The following RPS15 variants were observed in gnomAD, a reference collection of about 807,000 sequenced individuals.
The protein encoded by RPS15 is ribosomal protein S15.
Under a neutral mutation model 14.9 loss-of-function variants are expected in RPS15, and 5 were observed. The observed-to-expected ratio is 0.34, with a 90% CI of 0.18 to 0.70. The LOEUF (loss-of-function observed/expected upper bound fraction) is 0.70. Ranked by LOEUF, RPS15 falls within the 30% of genes least tolerant of loss-of-function variation. The probability of loss-of-function intolerance (pLI) is 0.65; values close to 1 mark genes in which losing one functional copy is unlikely to be tolerated. For missense variants in RPS15, 102 were observed against 204.2 expected, an observed-to-expected ratio of 0.50 and a Z score of 3.05; for synonymous variants, 103 against 85.0, an observed-to-expected ratio of 1.21 and a Z score of -1.16.
rs2083633139 is a variant in RPS15 at position 1,439,155 on chromosome 19, CTT to C, written c.89+264_89+265del. On this transcript the variant is annotated intron_variant, in intron 2 of 3. Transcript: ENST00000592588. ...TAGCCCCTGTCTGTAGCCCACGTGA[CTT>C]AGAATAAGGGGCTGCGTTAGACTCC... is the stretch of plus-strand genomic sequence containing the variant. 3 of 488,970 alleles carry C rather than the reference CTT, an allele frequency of 6.1e-6. No homozygotes were observed. The South Asian group carries it at 8.1e-5, about 13-fold the overall frequency. 30.3% of individuals were successfully genotyped at this position (488,970 alleles called of 1,614,324 possible). A position where few individuals can be genotyped will look rare whatever the true frequency, so the allele number is the denominator to read the frequency against.
intron 2 of RPS15, chr19:1,439,113 G>T (rs970962426): frequency 7.3e-6 from 4 of 545,626 alleles, no homozygotes; most frequent in Admixed American, 3.7e-5. Context: ...ACTTTTCCGC[G>T]GCTTAGTTGG....
intron 2 of RPS15, 112 bp downstream of exon 2, chr19:1,439,004 G>C: frequency 1.2e-6 from 1 of 828,604 alleles, no homozygotes; most frequent in Non-Finnish European, 1.9e-6. Context: ...GGCGGGCACG[G>C]TCTCCGCGCG....
chr19:1,438,511 G>T lies in RPS15; in HGVS notation c.3+83G>T. 1 of 1,609,022 alleles carries T rather than the reference G, an allele frequency of 6.2e-7. No individual in the cohort carries two copies. The highest frequency in any genetic ancestry group is 8.5e-7 in the Non-Finnish European group (1 of 1,178,108). On this transcript the variant is annotated intron_variant, in intron 1 of 3. Coordinates refer to ENST00000592588, the MANE Select transcript of RPS15 (RefSeq NM_001018.5). The surrounding 1 kb of genome is among the most constrained non-coding windows in gnomAD (Gnocchi z 4.8). Reference sequence around the variant, plus strand: ...GACCGTCTCGCGGGGGCCGCAGTTCGTCCCCGCGGCTACGGCGGCTTGCTC... The same window carrying T: ...GACCGTCTCGCGGGGGCCGCAGTTCTTCCCCGCGGCTACGGCGGCTTGCTC...
At position 1,438,967 on chromosome 19, in the gene RPS15, G is replaced by A; in HGVS notation, c.89+75G>A. On this transcript the variant is annotated intron_variant, in intron 2 of 3. Transcript: ENST00000592588. The surrounding 1 kb of genome is among the most constrained non-coding windows in gnomAD (Gnocchi z 4.8). ...CTTGTCCGGGTGAGGGCGGCGGGGC[G>A]GGGGTCCAAGCGCCTCTGCGGCGGT... 1 of 1,316,572 alleles carries A rather than the reference G, an allele frequency of 7.6e-7. No individual in the cohort carries two copies. The highest frequency in any genetic ancestry group is 1.1e-6 in the Non-Finnish European group (1 of 942,722). 81.6% of individuals were successfully genotyped at this position (1,316,572 alleles called of 1,614,324 possible).
intron 2 of RPS15, chr19:1,439,638 T>TC (rs923881241): frequency 3.8e-6 from 2 of 525,626 alleles, no homozygotes; most frequent in Non-Finnish European, 6.8e-6. Context: ...CAAGCGACCC[T>TC]CCCGCCTCAA....
Position 1,438,452 on chromosome 19 carries a change from C to T in RPS15, c.3+24C>T, listed in dbSNP as rs757412102. 6.2e-6 allele frequency: 10 copies of T among 1,613,234 alleles called. No individual in the cohort carries two copies. Among genetic ancestry groups the T allele is most frequent in the South Asian group, 2.2e-5 (2 of 91,090 alleles). On this transcript the variant is annotated intron_variant, in intron 1 of 3. Coordinates refer to ENST00000592588, the MANE Select transcript of RPS15 (RefSeq NM_001018.5). The surrounding 1 kb of genome is among the most constrained non-coding windows in gnomAD (Gnocchi z 4.8). ...TGGTGAGTGTTGCGATTTGGCGCGT[C>T]TCTGCCGGGCCTATCCGGCTCCATC...
Position 1,438,762 on chromosome 19 carries a change from G to GAT in RPS15, c.4-44_4-43dup. On this transcript the variant is annotated intron_variant, in intron 1 of 3. Coordinates refer to ENST00000592588, the MANE Select transcript of RPS15 (RefSeq NM_001018.5). This position sits in a 1 kb window ranked among gnomAD's most constrained non-coding sequence, Gnocchi z 4.8. ...GTCCTCGGGCCCGGTGGCCCCGGGA[G>GAT]ATGGGTGTCGGGATCCCGCTGACGC... 6.4e-7 allele frequency: 1 copy of GAT among 1,560,450 alleles called. No individual in the cohort carries two copies. Among genetic ancestry groups the GAT allele is most frequent in the South Asian group, 1.2e-5 (1 of 85,582 alleles).
At position 1,438,657 on chromosome 19, in the gene RPS15, GA is replaced by G; in HGVS notation, c.4-149del. 2.0e-6 allele frequency: 3 copies of G among 1,531,802 alleles called. No homozygotes were observed. Among genetic ancestry groups the G allele is most frequent in the Non-Finnish European group, 2.6e-6 (3 of 1,133,902 alleles). The allele number at this position is 1,531,802 out of a possible 1,614,324, so 94.9% of individuals were successfully genotyped here. A position where few individuals can be genotyped will look rare whatever the true frequency, so the allele number is the denominator to read the frequency against. ...CCGGGTCCTCGTAACCCGGAGCCGCGAGTGATCCCCGGGGACGGGTCGAAGC... is the reference window on the plus strand; with the variant it reads ...CCGGGTCCTCGTAACCCGGAGCCGCGGTGATCCCCGGGGACGGGTCGAAGC... On this transcript the variant is annotated intron_variant, in intron 1 of 3. Transcript: ENST00000592588. The surrounding 1 kb of genome is among the most constrained non-coding windows in gnomAD (Gnocchi z 4.8).
intron 2 of RPS15, chr19:1,439,114 G>A: frequency 3.7e-6 from 2 of 545,082 alleles, no homozygotes; most frequent in South Asian, 4.4e-5. Flanking sequence ...CTTTTCCGCG[G>A]CTTAGTTGGA....
At chr19:1,439,474 G>A (rs971029683) in intron 2 of RPS15, 3 of 195,340 alleles carry the variant, frequency 1.5e-5, no homozygotes, top group Non-Finnish European at 3.2e-5. Flanking sequence ...TGCCCAGGCT[G>A]GTCTCAAACT....
Position 1,439,542 on chromosome 19 carries a change from G to C in RPS15, c.90-477G>C, listed in dbSNP as rs779091210. On this transcript the variant is annotated intron_variant, in intron 2 of 3. Coordinates refer to ENST00000592588, the MANE Select transcript of RPS15 (RefSeq NM_001018.5). Reference sequence around the variant, plus strand: ...CCCAAAGTGCTGGGATTACAGGCGTGAACACCGCGCCCGACCTTGATTTTT... The same window carrying C: ...CCCAAAGTGCTGGGATTACAGGCGTCAACACCGCGCCCGACCTTGATTTTT... 6.0e-4 allele frequency: 167 copies of C among 278,512 alleles called. 1 individual carries two copies. Among genetic ancestry groups the C allele is most frequent in the Non-Finnish European group, 4.2e-4 (61 of 144,242 alleles). The allele number at this position is 278,512 out of a possible 1,614,324, so 17.3% of individuals were successfully genotyped here. A position where few individuals can be genotyped will look rare whatever the true frequency, so the allele number is the denominator to read the frequency against.
rs1295110948 is a variant in RPS15, at chr19:1,438,934, C to A, written c.89+42C>A. The A allele has an allele frequency of 4.6e-6, 6 of 1,290,976 alleles. No homozygotes were observed. The highest frequency in any genetic ancestry group is 1.5e-5 in the African/African-American group (1 of 65,546). The allele number at this position is 1,290,976 out of a possible 1,614,324, so 80.0% of individuals were successfully genotyped here. On this transcript the variant is annotated intron_variant, in intron 2 of 3. Transcript: ENST00000592588. The surrounding 1 kb of genome is among the most constrained non-coding windows in gnomAD (Gnocchi z 4.8). ...GGGTCGCGGGCAGGGGCTGGGCCAG[C>A]GGTGGGGCTTGTCCGGGTGAGGGCG...
In RPS15 at chr19:1,440,417, C is replaced by T. The variant is rs149421216; in HGVS notation, c.393C>T (p.Pro131=). The part of the protein sequence containing the change: ...ITYKPVKHGR[P]GIGATHSSRF... Reference sequence around the variant, plus strand: ...ACAAGCCCGTAAAGCATGGCCGGCCCGGCATCGGGGCCACCCACTCCTCCC... The same window carrying T: ...ACAAGCCCGTAAAGCATGGCCGGCCTGGCATCGGGGCCACCCACTCCTCCC... Residue 131 remains proline (P), a synonymous_variant, in exon 4 of 4, where the codon CCC becomes CCT. Transcript: ENST00000592588. The T allele has an allele frequency of 1.3e-4, 207 of 1,613,970 alleles. No homozygotes were observed. The highest frequency in any genetic ancestry group is 7.8e-4 in the Admixed American group (47 of 60,024).
Position 1,438,410 on chromosome 19 carries a change from C to G in RPS15, c.-16C>G. ...CAGGCGCGGACCAAAGCGATCTCTT[C>G]TGAGGATCCGGCAAGATGGTGAGTG... On this transcript the variant is annotated 5_prime_UTR_variant, in exon 1 of 4. Transcript: ENST00000592588. This position sits in a 1 kb window ranked among gnomAD's most constrained non-coding sequence, Gnocchi z 4.8. 1 of 1,613,452 alleles carries G rather than the reference C, an allele frequency of 6.2e-7. No individual in the cohort carries two copies. Among genetic ancestry groups the G allele is most frequent in the Non-Finnish European group, 8.5e-7 (1 of 1,179,896 alleles).
At chr19:1,439,219 T>C in intron 2 of RPS15, 1 of 334,770 alleles carries the variant, frequency 3.0e-6, no homozygotes, top group South Asian at 5.3e-5. Flanking sequence ...CTGGGTCCTT[T>C]CCAGGCAGGG....
Position 1,440,071 on chromosome 19 carries a change from G to A in RPS15, c.142G>A (p.Gly48Ser). The A allele has an allele frequency of 6.4e-7, 1 of 1,566,790 alleles. No individual in the cohort carries two copies. The highest frequency in any genetic ancestry group is 8.6e-7 in the Non-Finnish European group (1 of 1,157,106). Residue 48 changes from glycine (G) to serine (S), a missense_variant, in exon 3 of 4, where the codon GGC (glycine) becomes AGC (serine). Transcript: ENST00000592588. The part of the protein sequence containing the change: ...SARQRRRLNR[G>S]LRRKQHSLLK... The stretch of plus-strand genomic sequence containing the variant: ...GCGCCAGCGGCGGCGGCTGAACCGG[G>A]GCCTGCGGCGGAAGCAGCACTCCCT...
At chr19:1,439,924 T>G in intron 2 of RPS15, 95 bp from the exon 3 acceptor site, 1 of 1,045,742 alleles carries the variant, frequency 9.6e-7, no homozygotes, top group Non-Finnish European at 1.4e-6. Context: ...GCTCTGTCCC[T>G]GGAGAGAACC....
chr19:1,439,655 G>C, intron 2 of RPS15: 1 of 545,666 alleles, frequency 1.8e-6, no homozygotes, highest in Non-Finnish European at 3.3e-6. Context: ...TCAACCTCCC[G>C]AAGTGCTGGG....
chr19:1,439,407 GCC>G, intron 2 of RPS15: 2 of 176,726 alleles, frequency 1.1e-5, no homozygotes, highest in Middle Eastern at 5.6e-3. Context: ...GGATTAGAGG[GCC>G]CCCCCACCAC....
Sources: allele counts gnomAD v4.1 joint callset, GRCh38; gene constraint gnomAD v4.1.1; non-coding constraint Gnocchi (gnomAD v3.1); transcripts MANE v1.5; gene names NCBI Gene and HGNC (gene_info 2026-07-23, HGNC 2026-07-21).